The following PGPEP1L variants were observed in gnomAD, a reference collection of about 807,000 sequenced individuals.
PGPEP1L encodes pyroglutamyl-peptidase 1-like protein.
Under a neutral mutation model 6.0 loss-of-function variants are expected in PGPEP1L, and 7 were observed. The ratio of observed to expected loss-of-function variants is 1.17; its 90% CI spans 0.66 to 2.19. The LOEUF (loss-of-function observed/expected upper bound fraction) is 2.19. Among genes scored for constraint, PGPEP1L ranks in the 30% most tolerant of loss-of-function variants. The pLI, the probability that PGPEP1L is intolerant of heterozygous loss-of-function variation, is 0.00. For missense variants in PGPEP1L, 209 were observed against 192.5 expected, an observed-to-expected ratio of 1.09 and a Z score of -0.51; for synonymous variants, 103 against 83.9, an observed-to-expected ratio of 1.23 and a Z score of -1.24.
intron 2 of PGPEP1L, among the ~76,000 whole-genome samples, chr15:99,003,217 A>G (rs1300255784): frequency 7.1e-6 from 1 of 141,558 alleles, no homozygotes; most frequent in Non-Finnish European, 1.5e-5. Flanking sequence ...AAAAAAAAAA[A>G]GCACTGAGAA....
intron 2 of PGPEP1L, among the ~76,000 whole-genome samples, chr15:98,996,699 G>A (rs142644729): frequency 3.9e-5 from 6 of 152,134 alleles, no homozygotes; most frequent in East Asian, 3.9e-4. Context: ...GTGTGCACGC[G>A]TGGGTACGTG....
chr15:98,971,514 A>T (rs754914512), intron 2 of PGPEP1L, among the ~76,000 whole-genome samples: 6 of 152,182 alleles, frequency 3.9e-5, no homozygotes, highest in Non-Finnish European at 7.3e-5. Context: ...AAAGAAAAGA[A>T]AAATCCAAAG....
At chr15:99,004,674 C>T (rs1264980648) in intron 2 of PGPEP1L, among the ~76,000 whole-genome samples, 10 of 152,170 alleles carry the variant, frequency 6.6e-5, no homozygotes, top group South Asian at 2.1e-4. Flanking sequence ...GCTGAGCTTA[C>T]GCCACTGCAC....
intron 4 of PGPEP1L, 111 bp from the exon 5 acceptor site, chr15:98,968,808 C>T (rs1179777590): frequency 5.3e-6 from 5 of 941,984 alleles, no homozygotes; most frequent in Non-Finnish European, 4.8e-6. Flanking sequence ...GGAGCACTGC[C>T]ACCCAAGGGA....
intron 2 of PGPEP1L, among the ~76,000 whole-genome samples, chr15:98,990,600 G>A (rs2017806042): frequency 6.6e-6 from 1 of 152,076 alleles, no homozygotes; most frequent in Admixed American, 6.6e-5. Flanking sequence ...ATTCAGCTCT[G>A]GACCAAGCAG....
intron 4 of PGPEP1L, among the ~76,000 whole-genome samples, chr15:98,968,968 C>T (rs1264019426): frequency 6.6e-6 from 1 of 152,222 alleles, no homozygotes; most frequent in East Asian, 1.9e-4. Flanking sequence ...GAATCCCTCT[C>T]ATTCATGTCT....
intron 2 of PGPEP1L, among the ~76,000 whole-genome samples, chr15:98,995,511 A>T (rs1187705974): frequency 6.6e-6 from 1 of 152,200 alleles, no homozygotes; most frequent in Non-Finnish European, 1.5e-5. Context: ...CAGCCTGGCC[A>T]ACATAGTGAA....
chr15:99,007,147 C>A (rs80126209), intron 1 of PGPEP1L, among the ~76,000 whole-genome samples: 12,533 of 152,282 alleles, frequency 0.082, 867 homozygotes, highest in East Asian at 0.34. Context: ...CTCTTCACTG[C>A]CAACAGGTGG....
chr15:98,982,275 C>T (rs1014044753), intron 2 of PGPEP1L, among the ~76,000 whole-genome samples: 2 of 152,132 alleles, frequency 1.3e-5, no homozygotes, highest in African/African-American at 4.8e-5. Context: ...GAGTGCGGCC[C>T]CTTGTGCAGG....
intron 2 of PGPEP1L, among the ~76,000 whole-genome samples, chr15:98,980,853 A>C (rs2017648168): frequency 1.3e-5 from 2 of 151,804 alleles, no homozygotes; most frequent in Non-Finnish European, 2.9e-5. Context: ...AATTGCTCGA[A>C]CCTGGGGGGC....
At chr15:98,979,574 C>T (rs2151757657) in intron 2 of PGPEP1L, among the ~76,000 whole-genome samples, 1 of 150,180 alleles carries the variant, frequency 6.7e-6, no homozygotes, top group African/African-American at 2.5e-5. Flanking sequence ...TACTACTCAG[C>T]CATAAAAAGA....
rs761427062 is a variant in PGPEP1L at position 98,971,197 on chromosome 15, G to C, written c.-141-39C>G. 1.1e-3 allele frequency: 363 copies of C among 324,020 alleles called. 14 individuals carry two copies. The African/African-American group carries it at 0.022, about 20-fold the overall frequency. 20.1% of individuals were successfully genotyped at this position (324,020 alleles called of 1,614,324 possible). On this transcript the variant is annotated intron_variant, in intron 2 of 4. Coordinates refer to ENST00000535714, the MANE Select transcript of PGPEP1L (RefSeq NM_001167902.2). ...CAGGTGGACTTGCCTCAGTTGATGG[G>C]GGGGGGGGGGGGGTGGGCACCAAGA...
chr15:98,977,152 G>A (rs182754247), intron 2 of PGPEP1L, among the ~76,000 whole-genome samples: 32 of 152,052 alleles, frequency 2.1e-4, no homozygotes, highest in Non-Finnish European at 3.8e-4. Context: ...TCTAAATGAA[G>A]GTTTATCAAT....
At chr15:98,992,719 A>C (rs890676786) in intron 2 of PGPEP1L, among the ~76,000 whole-genome samples, 2 of 152,248 alleles carry the variant, frequency 1.3e-5, no homozygotes, top group African/African-American at 4.8e-5. Context: ...GCAGTAACAA[A>C]AACAGCATGG....
At chr15:98,979,904 A>T (rs546074444) in intron 2 of PGPEP1L, among the ~76,000 whole-genome samples, 1 of 152,048 alleles carries the variant, frequency 6.6e-6, no homozygotes, top group East Asian at 1.9e-4. Context: ...TGCCTCGGAG[A>T]CTATTATTCT....
At chr15:99,003,324 A>G (rs568035978) in intron 2 of PGPEP1L, among the ~76,000 whole-genome samples, 2,757 of 151,512 alleles carry the variant, frequency 0.018, 97 homozygotes, top group African/African-American at 0.064. Context: ...ATCAGCAAAT[A>G]TGACATCTCT....
intron 2 of PGPEP1L, among the ~76,000 whole-genome samples, chr15:98,977,018 A>C (rs1308853339): frequency 1.3e-5 from 2 of 151,114 alleles, no homozygotes; most frequent in African/African-American, 4.8e-5. Flanking sequence ...AAAAAAAAAA[A>C]AAAACAAGTC....
At chr15:98,990,570 C>T (rs2017805916) in intron 2 of PGPEP1L, among the ~76,000 whole-genome samples, 1 of 152,170 alleles carries the variant, frequency 6.6e-6, no homozygotes, top group Admixed American at 6.5e-5. Flanking sequence ...AGAAAATTAA[C>T]AAGGATATCT....
intron 2 of PGPEP1L, among the ~76,000 whole-genome samples, chr15:98,971,405 A>C (rs1414850907): frequency 2.0e-5 from 3 of 152,142 alleles, no homozygotes; most frequent in African/African-American, 7.2e-5. Flanking sequence ...GAGGCAGGAG[A>C]ATCACTTGAA....
Sources: allele counts gnomAD v4.1 joint callset (sites outside exome capture counted in the v4.1 genomes callset), GRCh38; gene constraint gnomAD v4.1.1; transcripts MANE v1.5; gene names NCBI Gene and HGNC (gene_info 2026-07-23, HGNC 2026-07-21).